The following MAGI2 variants were observed in gnomAD, a reference collection of about 807,000 sequenced individuals.
MAGI2 encodes the protein membrane associated guanylate kinase, WW and PDZ domain containing 2.
Under a neutral mutation model 133.3 loss-of-function variants are expected in MAGI2, and 35 were observed. The ratio of observed to expected loss-of-function variants is 0.26; its 90% CI spans 0.20 to 0.35. MAGI2 has a LOEUF of 0.35. Ranked by LOEUF, MAGI2 falls within the 10% of genes least tolerant of loss-of-function variation. The pLI is 1.00. For synonymous variants in MAGI2, 729 were observed against 710.6 expected (o/e 1.03, Z -0.41); for missense variants, 1,636 against 1,863.4 (o/e 0.88, Z 2.25).
chr7:78,260,090 A>G (rs1793372568), intron 9 of MAGI2, among the ~76,000 whole-genome samples: 1 of 152,204 alleles, frequency 6.6e-6, no homozygotes, highest in Non-Finnish European at 1.5e-5. Flanking sequence ...GGATAAAACT[A>G]TATAACAACT....
chr7:79,094,422 G>A (rs537884765), intron 1 of MAGI2, among the ~76,000 whole-genome samples: 2 of 152,290 alleles, frequency 1.3e-5, no homozygotes, highest in South Asian at 4.1e-4. Flanking sequence ...ACCATTCAAA[G>A]CCATCCATGA....
chr7:78,983,778 C>T (rs968459106), intron 2 of MAGI2, among the ~76,000 whole-genome samples: 12 of 151,772 alleles, frequency 7.9e-5, no homozygotes, highest in Non-Finnish European at 1.2e-4. Context: ...TGCTGGTTCC[C>T]TTTGCAACTC....
At chr7:79,349,623 G>A (rs779033421) in intron 1 of MAGI2, among the ~76,000 whole-genome samples, 2 of 151,958 alleles carry the variant, frequency 1.3e-5, no homozygotes, top group Non-Finnish European at 2.9e-5. Context: ...GCTTAAAAGT[G>A]GCAGTGCTAG....
chr7:78,392,747 G>A (rs1218080117), intron 6 of MAGI2, among the ~76,000 whole-genome samples: 1 of 152,144 alleles, frequency 6.6e-6, no homozygotes, highest in African/African-American at 2.4e-5. Context: ...AGTTTCAAGT[G>A]ATTCTCCTGC....
chr7:78,363,017 TTAAAA>T (rs1351154165), intron 7 of MAGI2, among the ~76,000 whole-genome samples: 2 of 152,172 alleles, frequency 1.3e-5, no homozygotes, highest in African/African-American at 4.8e-5. Flanking sequence ...AAAATAAAAG[TTAAAA>T]TAAAAGTAGA....
chr7:79,101,957 C>A (rs1818022938), intron 1 of MAGI2, among the ~76,000 whole-genome samples: 1 of 151,656 alleles, frequency 6.6e-6, no homozygotes, highest in Non-Finnish European at 1.5e-5. Flanking sequence ...ATATATATTT[C>A]TTATCACAGT....
chr7:78,999,123 A>C (rs962251615), intron 2 of MAGI2, among the ~76,000 whole-genome samples: 2 of 152,102 alleles, frequency 1.3e-5, no homozygotes, highest in Non-Finnish European at 2.9e-5. Flanking sequence ...ATAGCCCACA[A>C]ACCAATTTCC....
Position 78,070,584 on chromosome 7 carries a change from G to GTA in MAGI2, c.3706+8361_3706+8362dup, listed in dbSNP as rs199808042. 1.3e-4 allele frequency among the ~76,000 whole-genome samples: 17 copies of GTA among 127,686 alleles called. No homozygotes were observed. In the East Asian group the frequency reaches 3.5e-3, roughly 26 times the overall value. The allele number at this position is 127,686 out of a possible 152,430, so 83.8% of individuals were successfully genotyped here. A position where few individuals can be genotyped will look rare whatever the true frequency, so the allele number is the denominator to read the frequency against. On this transcript the variant is annotated intron_variant, in intron 21 of 21. Coordinates refer to ENST00000354212, the MANE Select transcript of MAGI2 (RefSeq NM_012301.4). ...TGTATATATATGTGTGTATATATGTGTATATATATGTGTATATATGTGTAT... is the reference window on the plus strand; with the variant it reads ...TGTATATATATGTGTGTATATATGTGTATATATATATGTGTATATATGTGTAT...
intron 1 of MAGI2, among the ~76,000 whole-genome samples, chr7:79,370,490 A>T (rs1453890155): frequency 6.6e-6 from 1 of 152,110 alleles, no homozygotes; most frequent in Admixed American, 6.5e-5. Flanking sequence ...CACTCATATC[A>T]ATAGGGCTAC....
intron 1 of MAGI2, among the ~76,000 whole-genome samples, chr7:79,333,210 AC>A (rs1223664843): frequency 6.6e-6 from 1 of 151,838 alleles, no homozygotes; most frequent in African/African-American, 2.4e-5. Context: ...TGCAACCTCC[AC>A]CCCCGGTCCC....
chr7:78,841,673 A>G (rs192879604), intron 2 of MAGI2, among the ~76,000 whole-genome samples: 3 of 152,166 alleles, frequency 2.0e-5, no homozygotes, highest in Admixed American at 2.0e-4. Context: ...ACTAAACATT[A>G]TGACATACAC....
intron 1 of MAGI2, among the ~76,000 whole-genome samples, chr7:79,452,093 G>A (rs527522665): frequency 0.07 from 10,712 of 152,152 alleles, 484 homozygotes; most frequent in Non-Finnish European, 0.094. Flanking sequence ...GGCTGGAACC[G>A]GCCAGGGTTT....
intron 1 of MAGI2, among the ~76,000 whole-genome samples, chr7:79,298,661 T>TC (rs1019498668): frequency 2.0e-5 from 3 of 152,004 alleles, no homozygotes; most frequent in African/African-American, 7.2e-5. Flanking sequence ...CTAAATTGTG[T>TC]CCCCCCAAAA....
chr7:78,994,524 T>C (rs1806097045), intron 2 of MAGI2, among the ~76,000 whole-genome samples: 1 of 152,266 alleles, frequency 6.6e-6, no homozygotes, highest in African/African-American at 2.4e-5. Context: ...TACACGTTCA[T>C]GTAGTCTTCT....
At chr7:79,064,649 C>T (rs532094191) in intron 1 of MAGI2, among the ~76,000 whole-genome samples, 5 of 152,098 alleles carry the variant, frequency 3.3e-5, no homozygotes, top group Non-Finnish European at 7.4e-5. Context: ...AGGCATTCTT[C>T]CAAGTTGTGT....
At chr7:78,299,424 C>A (rs1797632386) in intron 9 of MAGI2, among the ~76,000 whole-genome samples, 1 of 151,828 alleles carries the variant, frequency 6.6e-6, no homozygotes, top group Non-Finnish European at 1.5e-5. Context: ...CATTATGGGA[C>A]AACATGAAAA....
chr7:79,437,271 A>G (rs1178686778), intron 1 of MAGI2, among the ~76,000 whole-genome samples: 3 of 152,106 alleles, frequency 2.0e-5, no homozygotes, highest in African/African-American at 4.8e-5. Flanking sequence ...GATGGGTTCA[A>G]TAGTACCTCA....
At position 78,785,015 on chromosome 7, in the gene MAGI2, C is replaced by CA. The variant is rs567662273; in HGVS notation, c.419-157777dup. Reference sequence around the variant, plus strand: ...TGGCTAAGATTAACAGGCCTTTCTTCATGCGTATATGTGAAGTTATTAGGG... The same window carrying CA: ...TGGCTAAGATTAACAGGCCTTTCTTCAATGCGTATATGTGAAGTTATTAGGG... On this transcript the variant is annotated intron_variant, in intron 2 of 21. Transcript: ENST00000354212. Among the ~76,000 whole-genome samples the CA allele has an allele frequency of 1.5e-4, 23 of 152,308 alleles. No homozygotes were observed. The South Asian group carries it at 4.8e-3, about 32-fold the overall frequency.
In MAGI2 at chr7:78,019,737, G is replaced by C. The variant is rs777850104; in HGVS notation, c.3946C>G (p.Arg1316Gly). 2.5e-6 allele frequency: 4 copies of C among 1,609,136 alleles called. No individual in the cohort carries two copies. In the Admixed American group the frequency reaches 6.7e-5, roughly 27 times the overall value. ...KKQRLGEQRE[R>G]SASPQRAARP... is the part of the protein sequence containing the mutation. ...GCGGCCCTCTGCGGACTCGCCGAGC[G>C]CTCCCTCTGCTCCCCGAGGCGCTGC... Residue 1316 changes from arginine to glycine, a missense_variant, in exon 22 of 22, where the codon CGC (arginine) becomes GGC (glycine). This residue lies in a region of MAGI2 where 354 missense variants were observed against 298.7 expected (regional missense o/e 1.19). Coordinates refer to ENST00000354212, the MANE Select transcript of MAGI2 (RefSeq NM_012301.4).
Sources: gnomAD v4.1 joint callset for allele counts (sites outside exome capture counted in the v4.1 genomes callset) on GRCh38, gnomAD v4.1.1 for gene constraint, gnomAD v4.1.1 regional missense constraint, MANE v1.5 for transcripts, NCBI Gene and HGNC (gene_info 2026-07-23, HGNC 2026-07-21) for gene names.